PPP2R3B: variants seen among roughly 807,000 people sequenced by gnomAD.
PPP2R3B encodes serine/threonine-protein phosphatase 2A regulatory subunit B'' subunit beta.
In PPP2R3B, 68 loss-of-function variants were observed where a neutral mutation model predicts 72.9. That is an observed-to-expected ratio of 0.93 (90% CI 0.77 to 1.14). The LOEUF is 1.14. Among genes scored for constraint, PPP2R3B ranks in the 50% most tolerant of loss-of-function variants. The pLI is 0.00. For synonymous variants in PPP2R3B, 466 were observed against 375.8 expected (o/e 1.24, Z -2.78); for missense variants, 1,018 against 842.0 (o/e 1.21, Z -2.59).
intron 2 of PPP2R3B, chrX:359,864 A>G (rs2071506529): frequency 1.9e-6 from 1 of 515,282 alleles, no homozygotes; most frequent in African/African-American, 1.9e-5. Context: ...AACAGCACAG[A>G]CAGGGACAGA....
chrX:363,631 CACCATCCCACA>C (rs1569404202), intron 1 of PPP2R3B, among the ~76,000 whole-genome samples: 4 of 96,250 alleles, frequency 4.2e-5, no homozygotes, highest in African/African-American at 1.7e-4. Context: ...TCCCCGAGCC[CACCATCCCACA>C]GTCATCTCCC....
chrX:348,431 C>G (rs910196647), intron 2 of PPP2R3B, among the ~76,000 whole-genome samples: 6 of 151,936 alleles, frequency 3.9e-5, no homozygotes, highest in African/African-American at 1.5e-4. Context: ...CAAAAATTAG[C>G]CTGGCATGGT....
At chrX:350,904 T>C (rs1412081917) in intron 2 of PPP2R3B, among the ~76,000 whole-genome samples, 1 of 152,084 alleles carries the variant, frequency 6.6e-6, no homozygotes, top group African/African-American at 2.4e-5. Context: ...GGACGTCGGC[T>C]GCTTGGTTCA....
Position 334,491 on chromosome X carries a change from T to C in PPP2R3B, c.1604A>G (p.Glu535Gly). 7.6e-6 allele frequency: 12 copies of C among 1,579,750 alleles called. No individual in the cohort carries two copies. Among genetic ancestry groups the C allele is most frequent in the Non-Finnish European group, 1.0e-5 (12 of 1,169,584 alleles). ...GGAGCGCAGCGCACTCAGCTTCTGC[T>C]CCACAGGGCTGAGCTCGGCCTCGAA... ...DGFEAELSPV[E>G]QKLSALRSPL... The change falls in exon 13 of 13, where the codon GAG becomes GGG. Residue 535 changes from glutamate (E) to glycine (G), a missense_variant. Transcript: ENST00000390665.
intron 8 of PPP2R3B, 122 bp from the exon 9 acceptor site, chrX:341,518 CCCTCCTGCCCCT>C (rs202062296): frequency 0.035 from 33,400 of 954,580 alleles, 698 homozygotes; most frequent in East Asian, 0.054. Flanking sequence ...CCTCCTGCCC[CCCTCCTGCCCCT>C]CCTCCTGCCT....
intron 1 of PPP2R3B, among the ~76,000 whole-genome samples, chrX:373,089 C>T (rs1209027127): frequency 6.6e-6 from 1 of 152,162 alleles, no homozygotes; most frequent in Non-Finnish European, 1.5e-5. Context: ...GTTTCACCCA[C>T]CCGACGCCTT....
At chrX:339,256 G>T (rs1482792662) in intron 10 of PPP2R3B, among the ~76,000 whole-genome samples, 1 of 111,478 alleles carries the variant, frequency 9.0e-6, no homozygotes, top group East Asian at 2.8e-4. Context: ...CTGAGCAGCA[G>T]GAGGCGCCCC....
At position 361,361 on chromosome X, in the gene PPP2R3B, G is replaced by A. The variant is rs111503084; in HGVS notation, c.510+44C>T. Reference sequence around the variant, plus strand: ...CGCTCCGCCTCACCCTCACATGCCCGCAGTACCACCTCGGCTGCTCCACGT... The same window carrying A: ...CGCTCCGCCTCACCCTCACATGCCCACAGTACCACCTCGGCTGCTCCACGT... On this transcript the variant is annotated intron_variant, in intron 2 of 12. Transcript: ENST00000390665. The A allele has an allele frequency of 2.0e-3, 3,237 of 1,604,990 alleles. 45 individuals carry two copies. The African/African-American group carries it at 0.036, about 18-fold the overall frequency.
intron 1 of PPP2R3B, among the ~76,000 whole-genome samples, chrX:383,090 C>G (rs1224736899): frequency 6.6e-6 from 1 of 152,174 alleles, no homozygotes; most frequent in South Asian, 2.1e-4. Context: ...CCTCCTGGAT[C>G]GGGATCTGGA....
intron 7 of PPP2R3B, chrX:344,965 A>C (rs2071165051): frequency 2.0e-5 from 7 of 353,762 alleles, no homozygotes; most frequent in South Asian, 1.5e-4. Flanking sequence ...TAGAAAACTC[A>C]AGCCCCACAG....
chrX:374,216 A>G (rs1428071241), intron 1 of PPP2R3B, among the ~76,000 whole-genome samples: 1 of 151,928 alleles, frequency 6.6e-6, no homozygotes, highest in East Asian at 2.0e-4. Context: ...TCCCCGCGAG[A>G]AGTGAGGTCC....
In PPP2R3B at chrX:386,460, C is replaced by G. The variant is rs767487201; in HGVS notation, c.232G>C (p.Gly78Arg). 32 of 1,286,516 alleles carry G rather than the reference C, an allele frequency of 2.5e-5. No homozygotes were observed. Among genetic ancestry groups the G allele is most frequent in the Non-Finnish European group, 3.1e-5 (31 of 1,014,550 alleles). The allele number at this position is 1,286,516 out of a possible 1,614,324, so 79.7% of individuals were successfully genotyped here. The change falls in exon 1 of 13, where the codon GGG becomes CGG. Residue 78 changes from glycine (G) to arginine (R), a missense_variant. Transcript: ENST00000390665. ...PSGLEPPGTP[G>R]PGPALPLGAA... Reference sequence around the variant, plus strand: ...CCCAGGGGCAGCGCAGGGCCCGGCCCGGGGGTTCCCGGGGGTTCGAGCCCG... The same window carrying G: ...CCCAGGGGCAGCGCAGGGCCCGGCCGGGGGGTTCCCGGGGGTTCGAGCCCG...
chrX:367,347 A>C (rs1395612167), intron 1 of PPP2R3B, among the ~76,000 whole-genome samples: 2 of 151,336 alleles, frequency 1.3e-5, no homozygotes, highest in Non-Finnish European at 2.9e-5. Context: ...TGACATGCTG[A>C]CTGGATGAGT....
At chrX:369,570 C>A (rs1157700163) in intron 1 of PPP2R3B, among the ~76,000 whole-genome samples, 1 of 152,238 alleles carries the variant, frequency 6.6e-6, no homozygotes, top group Admixed American at 6.5e-5. Context: ...CGTAGAAGTG[C>A]GTGCGCTTGA....
At chrX:344,900 A>C (rs144735053) in intron 7 of PPP2R3B, 3,901 of 337,140 alleles carry the variant, frequency 0.012, 41 homozygotes, top group Non-Finnish European at 0.016. Flanking sequence ...GTAATTCGGA[A>C]ACAGTCTTGG....
At chrX:350,887 C>T (rs1318742056) in intron 2 of PPP2R3B, among the ~76,000 whole-genome samples, 3 of 152,268 alleles carry the variant, frequency 2.0e-5, no homozygotes, top group African/African-American at 7.2e-5. Context: ...AGAGCCTGCA[C>T]AGATGGGGAC....
rs1379316033 is a variant in PPP2R3B, at chrX:347,966, C to T, written c.511-273G>A. On this transcript the variant is annotated intron_variant, in intron 2 of 12. Transcript: ENST00000390665. ...CACTGTAACCAGAGGCGGCTGCATC[C>T]CCAGCGTCTGGAAATCAAGCGGCAC... 3.3e-5 allele frequency: 14 copies of T among 420,594 alleles called. No homozygotes were observed. The Admixed American group carries it at 5.9e-4, about 18-fold the overall frequency. The allele number at this position is 420,594 out of a possible 1,614,324, so 26.1% of individuals were successfully genotyped here. A position where few individuals can be genotyped will look rare whatever the true frequency, so the allele number is the denominator to read the frequency against.
intron 2 of PPP2R3B, among the ~76,000 whole-genome samples, chrX:349,961 C>A (rs956671408): frequency 3.9e-5 from 6 of 152,158 alleles, no homozygotes; most frequent in African/African-American, 1.4e-4. Context: ...CCAGCAATCC[C>A]CATCCACATG....
chrX:372,371 G>A (rs2071885155), intron 1 of PPP2R3B, among the ~76,000 whole-genome samples: 2 of 152,200 alleles, frequency 1.3e-5, no homozygotes, highest in Non-Finnish European at 2.9e-5. Context: ...CAAGCAGGAT[G>A]CCTTGGTTCA....
Sources: allele counts gnomAD v4.1 joint callset (sites outside exome capture counted in the v4.1 genomes callset), GRCh38; gene constraint gnomAD v4.1.1; transcripts MANE v1.5; gene names NCBI Gene and HGNC (gene_info 2026-07-23, HGNC 2026-07-21).